Variants in CAMK1D observed in about 807,000 individuals in gnomAD.
CAMK1D encodes calcium/calmodulin-dependent protein kinase type 1D.
Under a neutral mutation model 47.7 loss-of-function variants are expected in CAMK1D, and 9 were observed. That is an observed-to-expected ratio of 0.19 (90% CI 0.11 to 0.33). The LOEUF (loss-of-function observed/expected upper bound fraction) is 0.33. CAMK1D is among the 10% of genes least tolerant of loss of function. The pLI is 1.00. For synonymous variants in CAMK1D, 184 were observed against 184.9 expected (o/e 0.99, Z 0.04); for missense variants, 291 against 488.7 (o/e 0.60, Z 3.81).
At chr10:12,618,357 A>G (rs999504090) in intron 2 of CAMK1D, among the ~76,000 whole-genome samples, 2 of 152,216 alleles carry the variant, frequency 1.3e-5, no homozygotes, top group Non-Finnish European at 2.9e-5. Flanking sequence ...CTTTCAATGC[A>G]TGCTCTTTCT....
chr10:12,350,968 G>A (rs1837337999), intron 1 of CAMK1D, among the ~76,000 whole-genome samples: 3 of 152,212 alleles, frequency 2.0e-5, no homozygotes, highest in African/African-American at 7.2e-5. Context: ...AAATCAGTGC[G>A]TTGTTGGGTG....
intron 1 of CAMK1D, among the ~76,000 whole-genome samples, chr10:12,454,764 A>T (rs923975805): frequency 2.0e-5 from 3 of 152,198 alleles, no homozygotes; most frequent in African/African-American, 7.2e-5. Flanking sequence ...TGCCTGCGCT[A>T]TGTTGCCACT....
In CAMK1D at chr10:12,682,941, G is replaced by A. The variant is rs113439734; in HGVS notation, c.299+16131G>A. On this transcript the variant is annotated intron_variant, in intron 3 of 10. Transcript: ENST00000619168. ...ATTAAGTAAGATTCTTTTTTTTTTTGGAGATGGAGTGTCTCTATCTCCTAG... is the reference window on the plus strand; with the variant it reads ...ATTAAGTAAGATTCTTTTTTTTTTTAGAGATGGAGTGTCTCTATCTCCTAG... Among the ~76,000 whole-genome samples, 323 of 137,602 alleles carry A rather than the reference G, an allele frequency of 2.3e-3. 1 individual carries two copies. The highest frequency in any genetic ancestry group is 3.7e-3 in the Non-Finnish European group (237 of 63,428). The allele number at this position is 137,602 out of a possible 152,430, so 90.3% of individuals were successfully genotyped here.
intron 2 of CAMK1D, among the ~76,000 whole-genome samples, chr10:12,621,807 G>GTA (rs1839007063): frequency 6.6e-6 from 1 of 151,928 alleles, no homozygotes; most frequent in Non-Finnish European, 1.5e-5. Flanking sequence ...CTAGTTGTGT[G>GTA]TGTGTGTATG....
intron 1 of CAMK1D, among the ~76,000 whole-genome samples, chr10:12,361,335 C>T (rs1462572736): frequency 6.7e-6 from 1 of 148,672 alleles, no homozygotes. Flanking sequence ...CAATCTCTGC[C>T]TCCCAGGTTC....
chr10:12,520,077 C>G (rs1301238634), intron 1 of CAMK1D, among the ~76,000 whole-genome samples: 2 of 84,996 alleles, frequency 2.4e-5, no homozygotes, highest in East Asian at 3.7e-4. Context: ...CTGACCCCCC[C>G]CCACCTCCCT....
At chr10:12,443,428 T>C (rs983612797) in intron 1 of CAMK1D, among the ~76,000 whole-genome samples, 2 of 151,868 alleles carry the variant, frequency 1.3e-5, no homozygotes, top group African/African-American at 4.8e-5. Flanking sequence ...GCACGAACCA[T>C]GTGTTGTGCT....
At chr10:12,520,943 A>AGGGGGAGG (rs1326752288) in intron 1 of CAMK1D, among the ~76,000 whole-genome samples, 2 of 2,758 alleles carry the variant, frequency 7.3e-4, no homozygotes, top group African/African-American at 1.1e-3. Flanking sequence ...GGAGAGGGAG[A>AGGGGGAGG]GGGAGGGGGA....
chr10:12,356,196 C>A (rs1485062892), intron 1 of CAMK1D, among the ~76,000 whole-genome samples: 1 of 151,652 alleles, frequency 6.6e-6, no homozygotes, highest in Non-Finnish European at 1.5e-5. Context: ...CAGGCGTGAG[C>A]CACCTCACCT....
chr10:12,606,481 C>T (rs531437147), intron 2 of CAMK1D, among the ~76,000 whole-genome samples: 46 of 152,198 alleles, frequency 3.0e-4, no homozygotes, highest in Non-Finnish European at 5.6e-4. Flanking sequence ...GAACCACGGA[C>T]GGCCCTCCCT....
intron 3 of CAMK1D, among the ~76,000 whole-genome samples, chr10:12,739,791 C>T (rs1171751852): frequency 6.6e-6 from 1 of 152,108 alleles, no homozygotes; most frequent in African/African-American, 2.4e-5. Flanking sequence ...TTGTATGGTG[C>T]TCTCTCGGTC....
chr10:12,491,787 C>CT (rs1834391802), intron 1 of CAMK1D, among the ~76,000 whole-genome samples: 1 of 151,988 alleles, frequency 6.6e-6, no homozygotes, highest in East Asian at 1.9e-4. Flanking sequence ...TAATGAATTT[C>CT]TTTTTTTTCT....
At chr10:12,761,796 G>C (rs1329195091) in intron 4 of CAMK1D, among the ~76,000 whole-genome samples, 1 of 152,210 alleles carries the variant, frequency 6.6e-6, no homozygotes, top group South Asian at 2.1e-4. Context: ...CGAGGCAGGA[G>C]AATCGTTTGA....
At position 12,694,178 on chromosome 10, in the gene CAMK1D, A is replaced by ATATAT. The variant is rs1564498336; in HGVS notation, c.299+27369_299+27373dup. On this transcript the variant is annotated intron_variant, in intron 3 of 10. Coordinates refer to ENST00000619168, the MANE Select transcript of CAMK1D (RefSeq NM_153498.4). ...ATATATATTATGCATAATATATATT[A>ATATAT]TATATAATATAATATATATTATATA... Among the ~76,000 whole-genome samples the ATATAT allele has an allele frequency of 7.7e-3, 354 of 45,846 alleles. 16 individuals carry two copies. Among genetic ancestry groups the ATATAT allele is most frequent in the Non-Finnish European group, 0.011 (296 of 26,932 alleles). 30.1% of individuals were successfully genotyped at this position (45,846 alleles called of 152,430 possible).
rs151336510 is a variant in CAMK1D, at chr10:12,618,186, C to A, written c.225-48550C>A. Among the ~76,000 whole-genome samples the A allele has an allele frequency of 6.2e-3, 938 of 152,290 alleles. 14 individuals carry two copies. The highest frequency in any genetic ancestry group is 0.021 in the African/African-American group (891 of 41,552). On this transcript the variant is annotated intron_variant, in intron 2 of 10. Transcript: ENST00000619168. Reference sequence around the variant, plus strand: ...ATTTCCTCATTTCCTATTCCTGCCTCCATAGATATCCACTATAATGGACTT... The same window carrying A: ...ATTTCCTCATTTCCTATTCCTGCCTACATAGATATCCACTATAATGGACTT...
At position 12,546,841 on chromosome 10, in the gene CAMK1D, G is replaced by C. The variant is rs1306958249; in HGVS notation, c.93-6384G>C. Among the ~76,000 whole-genome samples the C allele has an allele frequency of 2.0e-5, 3 of 151,974 alleles. No individual in the cohort carries two copies. In the South Asian group the frequency reaches 6.2e-4, roughly 32 times the overall value. On this transcript the variant is annotated intron_variant, in intron 1 of 10. Transcript: ENST00000619168. ...GGGGGTGGGGGAGGGATAGCATTAG[G>C]AGATATACCTAATGCTAAATGACGA...
intron 1 of CAMK1D, among the ~76,000 whole-genome samples, chr10:12,430,080 A>G (rs1054332972): frequency 4.6e-5 from 7 of 152,078 alleles, no homozygotes; most frequent in Admixed American, 3.9e-4. Context: ...TTTGTCATAC[A>G]TAATGACAAA....
chr10:12,359,086 G>A (rs1468104139), intron 1 of CAMK1D, among the ~76,000 whole-genome samples: 2 of 152,128 alleles, frequency 1.3e-5, no homozygotes, highest in African/African-American at 2.4e-5. Flanking sequence ...ACATAGGCTC[G>A]GAGGTTACAC....
intron 1 of CAMK1D, among the ~76,000 whole-genome samples, chr10:12,489,143 T>A (rs1834303366): frequency 6.6e-6 from 1 of 152,126 alleles, no homozygotes; most frequent in South Asian, 2.1e-4. Context: ...TTTCACTGTG[T>A]TAGCCAGGAT....
Sources: allele counts gnomAD v4.1 joint callset (sites outside exome capture counted in the v4.1 genomes callset), GRCh38; gene constraint gnomAD v4.1.1; transcripts MANE v1.5; gene names NCBI Gene and HGNC (gene_info 2026-07-23, HGNC 2026-07-21).